Variants in PCDHGB1 observed in about 807,000 individuals in gnomAD.
The protein encoded by PCDHGB1 is protocadherin gamma-B1.
PCDHGB1 carries 34 observed loss-of-function variants against 56.6 expected under a neutral mutation model. The observed-to-expected ratio is 0.60, with a 90% CI of 0.46 to 0.80. The LOEUF is 0.80. Among genes scored for constraint, PCDHGB1 ranks in the 30% least tolerant of loss-of-function variants. The pLI is 0.00. For synonymous variants in PCDHGB1, 561 were observed against 505.9 expected (o/e 1.11, Z -1.46); for missense variants, 1,278 against 1,204.6 (o/e 1.06, Z -0.90).
At chr5:141,473,401 T>G (rs1285517100) in intron 1 of PCDHGB1, among the ~76,000 whole-genome samples, 3 of 152,222 alleles carry the variant, frequency 2.0e-5, no homozygotes. Context: ...GCTTCTTTTT[T>G]TCTTCTTCAG....
intron 1 of PCDHGB1, among the ~76,000 whole-genome samples, chr5:141,446,764 G>A (rs2098514605): frequency 6.6e-6 from 1 of 152,214 alleles, no homozygotes; most frequent in Non-Finnish European, 1.5e-5. Context: ...ACCGCGCCCA[G>A]CCGGTTACCA....
intron 2 of PCDHGB1, 54 bp downstream of exon 2, chr5:141,494,919 T>A: frequency 6.2e-7 from 1 of 1,613,926 alleles, no homozygotes; most frequent in South Asian, 1.1e-5. Flanking sequence ...TTCTCAGGGA[T>A]GACGTGGGAG....
intron 1 of PCDHGB1, chr5:141,362,516 G>T: frequency 6.2e-7 from 1 of 1,613,984 alleles, no homozygotes; most frequent in Non-Finnish European, 8.5e-7. Context: ...ACAAATCATG[G>T]AGCCGCTGGG....
intron 1 of PCDHGB1, chr5:141,364,609 G>A (rs759783763): frequency 2.5e-6 from 4 of 1,614,190 alleles, no homozygotes; most frequent in Non-Finnish European, 3.4e-6. Flanking sequence ...TAGACCGGGA[G>A]GAGCTCTGCG....
chr5:141,365,419 A>G (rs747311878), intron 1 of PCDHGB1: 4 of 1,613,996 alleles, frequency 2.5e-6, no homozygotes, highest in Non-Finnish European at 3.4e-6. Context: ...GTCTTCCCGG[A>G]ACTGTAATCG....
At chr5:141,509,454 G>T (rs1164813611) in intron 3 of PCDHGB1, among the ~76,000 whole-genome samples, 2 of 151,976 alleles carry the variant, frequency 1.3e-5, no homozygotes, top group African/African-American at 2.4e-5. Flanking sequence ...TCCCACCCCC[G>T]ACCCAGTCAG....
intron 1 of PCDHGB1, among the ~76,000 whole-genome samples, chr5:141,450,022 T>TTTTC: frequency 6.7e-6 from 1 of 149,424 alleles, no homozygotes; most frequent in Admixed American, 6.7e-5. Context: ...TTTTTTTTTT[T>TTTTC]TTGAGACAGG....
At chr5:141,443,055 C>G (rs994152277) in intron 1 of PCDHGB1, among the ~76,000 whole-genome samples, 1 of 152,208 alleles carries the variant, frequency 6.6e-6, no homozygotes, top group Non-Finnish European at 1.5e-5. Flanking sequence ...TATTGTTCCA[C>G]TGAAGAGCGT....
intron 1 of PCDHGB1, among the ~76,000 whole-genome samples, chr5:141,380,802 T>C (rs1776746309): frequency 6.6e-6 from 1 of 152,118 alleles, no homozygotes; most frequent in African/African-American, 2.4e-5. Context: ...AAGAAACAAA[T>C]GTGAGATGAA....
In PCDHGB1 at chr5:141,430,969, TAGGACGCA is replaced by T. The variant is rs775497521; in HGVS notation, c.2410-63837_2410-63830del. The T allele has an allele frequency of 7.3e-5, 118 of 1,613,012 alleles. 1 individual carries two copies. The Middle Eastern group carries it at 1.8e-3, about 25-fold the overall frequency. On this transcript the variant is annotated intron_variant, in intron 1 of 3. Transcript: ENST00000523390. ...GCGGAGTCCGCATCATCCCCAGAGG[TAGGACGCA>T]GCTTTTCGCCCTGAATCCGCGCAGC...
chr5:141,421,040 C>T (rs2096541229), intron 1 of PCDHGB1: 1 of 545,472 alleles, frequency 1.8e-6, no homozygotes, highest in East Asian at 3.1e-5. Context: ...GTCCCTCCCT[C>T]CCCCGCCTCT....
Position 141,350,627 on chromosome 5 carries a change from A to G in PCDHGB1, c.367A>G (p.Ile123Val), listed in dbSNP as rs753947991. 1.1e-5 allele frequency: 17 copies of G among 1,613,938 alleles called. No homozygotes were observed. The highest frequency in any genetic ancestry group is 4.4e-5 in the South Asian group (4 of 91,092). Residue 123 changes from isoleucine (I) to valine (V), a missense_variant, in exon 1 of 4, where the codon ATT becomes GTT. Ile to Val is a conservative substitution (Grantham distance 29). Coordinates refer to ENST00000523390, the MANE Select transcript of PCDHGB1 (RefSeq NM_018922.3). ...VFHVVVVIQDINDNAPRFVAK... is the reference protein window; with the variant it reads ...VFHVVVVIQDVNDNAPRFVAK... Reference sequence around the variant, plus strand: ...CCACGTGGTTGTTGTAATCCAAGATATTAATGACAATGCACCACGTTTCGT... The same window carrying G: ...CCACGTGGTTGTTGTAATCCAAGATGTTAATGACAATGCACCACGTTTCGT...
chr5:141,404,800 C>G (rs369141362), intron 1 of PCDHGB1: 3 of 1,613,970 alleles, frequency 1.9e-6, no homozygotes, highest in Middle Eastern at 1.6e-4. Context: ...AGCCAGGGCT[C>G]TTCTCGGTGG....
chr5:141,422,727 G>A, intron 1 of PCDHGB1: 6 of 1,606,552 alleles, frequency 3.7e-6, no homozygotes, highest in Non-Finnish European at 5.1e-6. Flanking sequence ...TCCAGGGGGT[G>A]CCTCTGTCCT....
chr5:141,437,408 G>A (rs1591455458), intron 1 of PCDHGB1, among the ~76,000 whole-genome samples: 1 of 152,200 alleles, frequency 6.6e-6, no homozygotes, highest in Non-Finnish European at 1.5e-5. Flanking sequence ...CATTCCAGAA[G>A]TATTATGCTT....
rs774471563 is a variant in PCDHGB1, at chr5:141,365,988, T to A, written c.2409+13319T>A. The A allele has an allele frequency of 5.6e-6, 9 of 1,614,268 alleles. No individual in the cohort carries two copies. The South Asian group carries it at 9.9e-5, about 18-fold the overall frequency. The stretch of plus-strand genomic sequence containing the variant: ...AACGTGTCGCTGAGCCTGTTTGTGC[T>A]GGACCAGAACGACAATACGCCTGAG... On this transcript the variant is annotated intron_variant, in intron 1 of 3. Coordinates refer to ENST00000523390, the MANE Select transcript of PCDHGB1 (RefSeq NM_018922.3).
At chr5:141,383,607 T>C in intron 1 of PCDHGB1, 1 of 1,613,780 alleles carries the variant, frequency 6.2e-7, no homozygotes, top group South Asian at 1.1e-5. Flanking sequence ...TGGATGTGAA[T>C]GACCACACGC....
At chr5:141,374,153 TG>T in intron 1 of PCDHGB1, 1 of 1,612,060 alleles carries the variant, frequency 6.2e-7, no homozygotes, top group African/African-American at 1.3e-5. Context: ...GGGGACGCTG[TG>T]GGGGGCCGCG....
intron 1 of PCDHGB1, chr5:141,390,863 T>C (rs1292623547): frequency 6.6e-6 from 1 of 150,928 alleles, no homozygotes. Flanking sequence ...GTACGCTGTG[T>C]GTGCGTGTGT....
Sources: gnomAD v4.1 joint callset for allele counts (sites outside exome capture counted in the v4.1 genomes callset) on GRCh38, gnomAD v4.1.1 for gene constraint, MANE v1.5 for transcripts, NCBI Gene and HGNC (gene_info 2026-07-23, HGNC 2026-07-21) for gene names.